Variants in NRXN2 observed in about 807,000 individuals in gnomAD.
NRXN2 encodes neurexin 2, also known as neurexin-2-beta.
In NRXN2, 29 loss-of-function variants were observed where a neutral mutation model predicts 128.8. The observed-to-expected ratio is 0.23, with a 90% CI of 0.17 to 0.31. The LOEUF (loss-of-function observed/expected upper bound fraction) is 0.31. Ranked by LOEUF, NRXN2 falls within the 10% of genes least tolerant of loss-of-function variation. The probability of loss-of-function intolerance (pLI) is 1.00; values close to 1 mark genes in which losing one functional copy is unlikely to be tolerated. For missense variants in NRXN2, 1,881 were observed against 2,452.6 expected (o/e 0.77, Z 4.92); for synonymous variants, 1,098 against 1,075.2 (o/e 1.02, Z -0.41).
chr11:64,620,489 G>A (rs2042163305), intron 21 of NRXN2, 117 bp from the exon 22 acceptor site: 3 of 800,474 alleles, frequency 3.7e-6, no homozygotes, highest in Non-Finnish European at 6.3e-6. Context: ...AGACGGACCA[G>A]ACTGGTCTGA....
intron 17 of NRXN2, chr11:64,643,618 G>A (rs2046152588): frequency 6.8e-6 from 1 of 146,680 alleles, no homozygotes; most frequent in African/African-American, 2.5e-5. Flanking sequence ...GCGGAGAGGG[G>A]AGGGGAAGCG....
chr11:64,643,318 T>G, intron 17 of NRXN2: 1 of 890,290 alleles, frequency 1.1e-6, no homozygotes, highest in Non-Finnish European at 1.3e-6. Flanking sequence ...CTGCTGCCGC[T>G]GCCGCCCGAC....
At chr11:64,719,366 C>T (rs942725379) in intron 1 of NRXN2, among the ~76,000 whole-genome samples, 2 of 152,242 alleles carry the variant, frequency 1.3e-5, no homozygotes, top group African/African-American at 2.4e-5. Context: ...CCCTATCCCT[C>T]GTGTCCTCCT....
chr11:64,675,214 A>G (rs190032040), intron 7 of NRXN2: 23 of 152,388 alleles, frequency 1.5e-4, no homozygotes, highest in Admixed American at 1.5e-3. Flanking sequence ...CTGGAGGAAC[A>G]AGAAACCTGG....
At chr11:64,687,730 A>T (rs1322234323) in intron 5 of NRXN2, among the ~76,000 whole-genome samples, 1 of 152,224 alleles carries the variant, frequency 6.6e-6, no homozygotes. Context: ...AAGACGGCTC[A>T]GGGCTGTGAG....
chr11:64,693,558 C>A (rs1267542959), intron 3 of NRXN2, among the ~76,000 whole-genome samples: 2 of 152,070 alleles, frequency 1.3e-5, no homozygotes, highest in Non-Finnish European at 2.9e-5. Context: ...AGAACCTGGG[C>A]CTAAAAGCAT....
intron 7 of NRXN2, among the ~76,000 whole-genome samples, chr11:64,669,138 A>G (rs2050292194): frequency 1.3e-5 from 2 of 152,156 alleles, no homozygotes; most frequent in South Asian, 4.1e-4. Context: ...TTCAGTCTGG[A>G]CCCAGTAGGG....
intron 2 of NRXN2, among the ~76,000 whole-genome samples, chr11:64,709,439 T>C (rs905230569): frequency 1.1e-4 from 16 of 151,762 alleles, no homozygotes; most frequent in Non-Finnish European, 1.6e-4. Context: ...GAGCACAAGA[T>C]ATTATAAAAG....
intron 2 of NRXN2, among the ~76,000 whole-genome samples, chr11:64,705,545 C>G (rs1342300712): frequency 6.6e-6 from 1 of 151,850 alleles, no homozygotes; most frequent in Non-Finnish European, 1.5e-5. Flanking sequence ...GCTGTCTGCC[C>G]CTCTGAAGTC....
intron 3 of NRXN2, among the ~76,000 whole-genome samples, chr11:64,694,088 G>C (rs569565514): frequency 3.3e-5 from 5 of 152,170 alleles, no homozygotes; most frequent in Non-Finnish European, 5.9e-5. Context: ...CACCAGCCAA[G>C]GAAAGCTCTC....
intron 22 of NRXN2, among the ~76,000 whole-genome samples, chr11:64,611,421 C>T (rs564933521): frequency 6.6e-6 from 1 of 152,350 alleles, no homozygotes; most frequent in South Asian, 2.1e-4. Context: ...TTGGCCTAAG[C>T]TGGCTGGTCA....
intron 17 of NRXN2, among the ~76,000 whole-genome samples, chr11:64,639,881 C>G (rs972323421): frequency 6.6e-6 from 1 of 152,172 alleles, no homozygotes; most frequent in Non-Finnish European, 1.5e-5. Context: ...GCCTCCTGAG[C>G]TGGCCTGGTC....
At chr11:64,705,564 A>G (rs561783037) in intron 2 of NRXN2, among the ~76,000 whole-genome samples, 3 of 151,496 alleles carry the variant, frequency 2.0e-5, no homozygotes, top group African/African-American at 7.3e-5. Flanking sequence ...TCTTGTGCTC[A>G]ATTTTTCTCA....
intron 11 of NRXN2, chr11:64,656,195 A>G (rs1464467708): frequency 6.6e-6 from 1 of 152,230 alleles, no homozygotes; most frequent in Non-Finnish European, 1.5e-5. Flanking sequence ...GCACTCTGTC[A>G]TAGCCCTCCT....
chr11:64,705,730 G>C (rs1427778165), intron 2 of NRXN2, among the ~76,000 whole-genome samples: 1 of 151,726 alleles, frequency 6.6e-6, no homozygotes, highest in Non-Finnish European at 1.5e-5. Context: ...ACACAAGCAT[G>C]ATCTATTGTG....
chr11:64,613,887 G>A (rs1439722311), intron 22 of NRXN2, among the ~76,000 whole-genome samples: 7 of 152,112 alleles, frequency 4.6e-5, no homozygotes, highest in South Asian at 4.1e-4. Flanking sequence ...GGTGCACACC[G>A]TTGCTCATGA....
intron 17 of NRXN2, among the ~76,000 whole-genome samples, chr11:64,636,415 G>C (rs1216369056): frequency 6.6e-6 from 1 of 151,748 alleles, no homozygotes; most frequent in African/African-American, 2.4e-5. Context: ...GTGGGGGTGG[G>C]GGGCTGGTCA....
intron 11 of NRXN2, among the ~76,000 whole-genome samples, chr11:64,655,337 C>T (rs2048102674): frequency 6.6e-6 from 1 of 152,072 alleles, no homozygotes; most frequent in Non-Finnish European, 1.5e-5. Context: ...TGAGAAGTCT[C>T]AGTGAGAGGA....
At position 64,607,802 on chromosome 11, in the gene NRXN2, C is replaced by T; in HGVS notation, c.4533G>A (p.Glu1511=). The T allele has an allele frequency of 6.2e-7, 1 of 1,601,186 alleles. No individual in the cohort carries two copies. Among genetic ancestry groups the T allele is most frequent in the East Asian group, 2.3e-5 (1 of 44,042 alleles). ...FDSSLPPTDD[E]DFYTTFPLVT... ...CCAGGGGAAAGGTGGTGTAAAAGTC[C>T]TCGTCGTCCGTGGGGGGGAGGCTGG... The change falls in exon 23 of 23, where the codon GAG becomes GAA. Residue 1511 remains glutamate (E), a synonymous_variant. Transcript: ENST00000265459.
Sources: gnomAD v4.1 joint callset for allele counts (sites outside exome capture counted in the v4.1 genomes callset) on GRCh38, gnomAD v4.1.1 for gene constraint, MANE v1.5 for transcripts, NCBI Gene and HGNC (gene_info 2026-07-23, HGNC 2026-07-21) for gene names.